Variants in SESN3 observed in about 807,000 individuals in gnomAD.
The protein encoded by SESN3 is sestrin-3.
A neutral mutation model predicts 55.3 loss-of-function variants in SESN3; 21 were observed. That is an observed-to-expected ratio of 0.38 (90% CI 0.27 to 0.55). SESN3 has a LOEUF of 0.55. Ranked by LOEUF, SESN3 falls within the 20% of genes least tolerant of loss-of-function variation. The pLI is 0.76. For missense variants in SESN3, 408 were observed against 604.3 expected, an observed-to-expected ratio of 0.68 and a Z score of 3.41; for synonymous variants, 181 against 203.1, an observed-to-expected ratio of 0.89 and a Z score of 0.93.
intron 1 of SESN3, among the ~76,000 whole-genome samples, chr11:95,208,679 G>C (rs1011977280): frequency 6.6e-6 from 1 of 151,374 alleles, no homozygotes; most frequent in African/African-American, 2.4e-5. Flanking sequence ...ATACTACAAG[G>C]CTACAGTAAC....
intron 1 of SESN3, among the ~76,000 whole-genome samples, chr11:95,215,055 G>A (rs1591073555): frequency 6.6e-6 from 1 of 152,096 alleles, no homozygotes; most frequent in Non-Finnish European, 1.5e-5. Context: ...TAGCACTGGC[G>A]CTGCCAATAT....
chr11:95,205,920 G>C (rs1008742727), intron 1 of SESN3, among the ~76,000 whole-genome samples: 6 of 152,002 alleles, frequency 3.9e-5, no homozygotes, highest in African/African-American at 1.2e-4. Context: ...TTGGGGGAAG[G>C]ACAGTAGAGG....
chr11:95,230,588 C>T lies in SESN3; in HGVS notation c.78+195G>A. ...CCAACCCCTCCAGACTTGGGTCTGT[C>T]CCGGCGGAAATAAAAAGCCGCAGTA... is the stretch of plus-strand genomic sequence containing the variant. On this transcript the variant is annotated intron_variant, in intron 1 of 9. Coordinates refer to ENST00000536441, the MANE Select transcript of SESN3 (RefSeq NM_144665.4). This position sits in a 1 kb window ranked among gnomAD's most constrained non-coding sequence, Gnocchi z 4.6. 1.8e-6 allele frequency: 1 copy of T among 550,674 alleles called. No homozygotes were observed. Among genetic ancestry groups the T allele is most frequent in the East Asian group, 3.4e-5 (1 of 29,210 alleles). 34.1% of individuals were successfully genotyped at this position (550,674 alleles called of 1,614,324 possible). A position where few individuals can be genotyped will look rare whatever the true frequency, so the allele number is the denominator to read the frequency against.
chr11:95,190,803 A>G (rs1327266707), intron 3 of SESN3, among the ~76,000 whole-genome samples: 1 of 152,010 alleles, frequency 6.6e-6, no homozygotes, highest in Non-Finnish European at 1.5e-5. Flanking sequence ...CCAAATATAT[A>G]GCACTTTCAT....
Position 95,175,627 on chromosome 11 carries a change from A to G in SESN3, c.1263T>C (p.Asp421=), listed in dbSNP as rs149694406. 1.4e-5 allele frequency: 22 copies of G among 1,611,980 alleles called. No individual in the cohort carries two copies. The African/African-American group carries it at 2.8e-4, about 21-fold the overall frequency. Residue 421 remains aspartate (D), a synonymous_variant, in exon 9 of 10, where the codon GAT becomes GAC. Coordinates refer to ENST00000536441, the MANE Select transcript of SESN3 (RefSeq NM_144665.4). ...CMFGIRYDDY[D]YGEVNQLLER... ...CAAGTAATTGATTAACTTCTCCATA[A>G]TCATAGTCATCATACCTACGAGCAA... is the stretch of plus-strand genomic sequence containing the variant.
chr11:95,209,589 CAT>C (rs1363522393), intron 1 of SESN3, among the ~76,000 whole-genome samples: 1 of 151,400 alleles, frequency 6.6e-6, no homozygotes, highest in Admixed American at 6.6e-5. Context: ...ACTCTAAAGA[CAT>C]ATGCACATGT....
intron 7 of SESN3, 140 bp from the exon 8 acceptor site, chr11:95,178,049 C>A (rs73530830): frequency 1.6e-5 from 10 of 610,510 alleles, no homozygotes; most frequent in Non-Finnish European, 2.5e-5. Context: ...TAAGGCTTTA[C>A]CAATAACCCT....
At chr11:95,205,455 T>C (rs1056804987) in intron 1 of SESN3, among the ~76,000 whole-genome samples, 1 of 152,124 alleles carries the variant, frequency 6.6e-6, no homozygotes, top group Non-Finnish European at 1.5e-5. Flanking sequence ...GACAGCTAGT[T>C]AGCAGACTAA....
chr11:95,216,490 A>C (rs1860759108), intron 1 of SESN3, among the ~76,000 whole-genome samples: 1 of 152,216 alleles, frequency 6.6e-6, no homozygotes, highest in Non-Finnish European at 1.5e-5. Flanking sequence ...TAGCACTCTA[A>C]AATGAAAAAT....
At chr11:95,215,950 T>G (rs1390319519) in intron 1 of SESN3, among the ~76,000 whole-genome samples, 2 of 151,676 alleles carry the variant, frequency 1.3e-5, no homozygotes, top group Non-Finnish European at 2.9e-5. Flanking sequence ...TACAAAAAAT[T>G]AGCCGGGCAT....
chr11:95,219,405 T>C (rs1377066559), intron 1 of SESN3, among the ~76,000 whole-genome samples: 1 of 152,234 alleles, frequency 6.6e-6, no homozygotes, highest in East Asian at 1.9e-4. Flanking sequence ...AATTAAGATA[T>C]ACATATTAAA....
At chr11:95,182,110 C>T (rs1860068984) in intron 6 of SESN3, 3 of 306,818 alleles carry the variant, frequency 9.8e-6, no homozygotes, top group African/African-American at 2.3e-5. Context: ...GGCTGTAGTC[C>T]CAGCTTAAAG....
Position 95,177,903 on chromosome 11 carries a change from T to C in SESN3, c.1063A>G (p.Thr355Ala), listed in dbSNP as rs1279160120. The change falls in exon 8 of 10, where the codon ACC becomes GCC. Residue 355 changes from threonine (T) to alanine (A), a missense_variant. By Grantham distance (58) the Thr-to-Ala change is moderately conservative. Coordinates refer to ENST00000536441, the MANE Select transcript of SESN3 (RefSeq NM_144665.4). ...HLPTFRAQDYTWENHGFSLVN... is the reference protein window; with the variant it reads ...HLPTFRAQDYAWENHGFSLVN... ...AGGGAGAACCCATGATTTTCCCAGG[T>C]ATAGTCCTAAAAGAATAAAATGTAT... The C allele has an allele frequency of 6.3e-7, 1 of 1,576,190 alleles. No individual in the cohort carries two copies. The highest frequency in any genetic ancestry group is 8.6e-7 in the Non-Finnish European group (1 of 1,164,720).
In SESN3 at chr11:95,173,210, G is replaced by T; in HGVS notation, c.*45C>A. 2 of 1,126,660 alleles carry T rather than the reference G, an allele frequency of 1.8e-6. No individual in the cohort carries two copies. The highest frequency in any genetic ancestry group is 2.6e-6 in the Non-Finnish European group (2 of 760,282). The allele number at this position is 1,126,660 out of a possible 1,614,324, so 69.8% of individuals were successfully genotyped here. A position where few individuals can be genotyped will look rare whatever the true frequency, so the allele number is the denominator to read the frequency against. On this transcript the variant is annotated 3_prime_UTR_variant, in exon 10 of 10. Transcript: ENST00000536441. The stretch of plus-strand genomic sequence containing the variant: ...CAAATAGCTTCAATGTTTATCTTAT[G>T]TGAAAGGTCTTTACACATGTATGAC...
At chr11:95,190,215 A>T (rs985128134) in intron 3 of SESN3, among the ~76,000 whole-genome samples, 1 of 152,126 alleles carries the variant, frequency 6.6e-6, no homozygotes, top group East Asian at 1.9e-4. Context: ...AGCTTAAGCC[A>T]TAGCCCACTT....
chr11:95,223,483 A>G (rs1045387510), intron 1 of SESN3, among the ~76,000 whole-genome samples: 2 of 152,194 alleles, frequency 1.3e-5, no homozygotes, highest in African/African-American at 4.8e-5. Flanking sequence ...ATATTCCTTC[A>G]AAGTGAAGGA....
intron 1 of SESN3, among the ~76,000 whole-genome samples, chr11:95,197,794 A>C (rs1392460935): frequency 6.6e-6 from 1 of 152,120 alleles, no homozygotes; most frequent in Non-Finnish European, 1.5e-5. Context: ...AGATGAAGGA[A>C]AAAATAAGGG....
At position 95,176,791 on chromosome 11, in the gene SESN3, A is replaced by G. The variant is rs1223594150; in HGVS notation, c.1247+928T>C. Among the ~76,000 whole-genome samples, 4 of 152,190 alleles carry G rather than the reference A, an allele frequency of 2.6e-5. No homozygotes were observed. The East Asian group carries it at 7.7e-4, about 29-fold the overall frequency. Reference sequence around the variant, plus strand: ...TTTAAATTGAGTTTTATCGGTGTTTATTTTTCTTAAGTAGGTAGATATGAT... The same window carrying G: ...TTTAAATTGAGTTTTATCGGTGTTTGTTTTTCTTAAGTAGGTAGATATGAT... On this transcript the variant is annotated intron_variant, in intron 8 of 9. Transcript: ENST00000536441.
intron 6 of SESN3, among the ~76,000 whole-genome samples, chr11:95,183,506 T>C (rs866656515): frequency 1.3e-5 from 2 of 152,004 alleles, no homozygotes; most frequent in African/African-American, 4.8e-5. Context: ...GGCAGTAGTT[T>C]TGAAGCCCTC....
Sources: allele counts gnomAD v4.1 joint callset (sites outside exome capture counted in the v4.1 genomes callset), GRCh38; gene constraint gnomAD v4.1.1; non-coding constraint Gnocchi (gnomAD v3.1); transcripts MANE v1.5; gene names NCBI Gene and HGNC (gene_info 2026-07-23, HGNC 2026-07-21).